Variants in SUMF1 observed in about 807,000 individuals in gnomAD.
SUMF1 encodes formylglycine-generating enzyme.
In SUMF1, 48 loss-of-function variants were observed where a neutral mutation model predicts 47.6. That is an observed-to-expected ratio of 1.01 (90% CI 0.80 to 1.28). The LOEUF (loss-of-function observed/expected upper bound fraction) is 1.28. Among genes scored for constraint, SUMF1 ranks in the 50% most tolerant of loss-of-function variants. SUMF1 has a pLI of 0.00. For synonymous variants in SUMF1, 230 were observed against 192.1 expected (o/e 1.20, Z -1.63); for missense variants, 571 against 485.4 (o/e 1.18, Z -1.66).
intron 9 of SUMF1, among the ~76,000 whole-genome samples, chr3:4,048,945 C>T (rs1289424482): frequency 1.3e-5 from 2 of 152,110 alleles, no homozygotes; most frequent in Admixed American, 6.5e-5. Context: ...CCATTTGAAA[C>T]TCTGTAACAT....
chr3:4,278,475 A>G (rs560768995), intron 8 of SUMF1, among the ~76,000 whole-genome samples: 1 of 152,170 alleles, frequency 6.6e-6, no homozygotes, highest in Non-Finnish European at 1.5e-5. Context: ...TTGAAAATAC[A>G]GGATGACTTG....
At chr3:4,078,214 T>C (rs1224835232) in intron 8 of SUMF1, among the ~76,000 whole-genome samples, 2 of 152,086 alleles carry the variant, frequency 1.3e-5, no homozygotes, top group African/African-American at 4.8e-5. Flanking sequence ...GCTGAATCTA[T>C]GGGCATCCCT....
intron 3 of SUMF1, among the ~76,000 whole-genome samples, chr3:4,442,345 T>C (rs1437351771): frequency 1.4e-5 from 2 of 148,044 alleles, no homozygotes; most frequent in African/African-American, 2.5e-5. Flanking sequence ...AAGCTCCGCC[T>C]CCCGGGTTCA....
At chr3:4,130,750 G>A (rs1693769725) in intron 8 of SUMF1, among the ~76,000 whole-genome samples, 1 of 151,972 alleles carries the variant, frequency 6.6e-6, no homozygotes, top group African/African-American at 2.4e-5. Flanking sequence ...ACCCTATTTG[G>A]ATTTTGGAGG....
chr3:4,218,222 T>C (rs1695981277), intron 8 of SUMF1, among the ~76,000 whole-genome samples: 1 of 152,034 alleles, frequency 6.6e-6, no homozygotes, highest in Non-Finnish European at 1.5e-5. Context: ...CCGAACACCT[T>C]GACCTCATGC....
intron 8 of SUMF1, among the ~76,000 whole-genome samples, chr3:4,098,608 T>C (rs1344138542): frequency 2.0e-5 from 3 of 152,148 alleles, no homozygotes; most frequent in African/African-American, 7.2e-5. Context: ...TAGCCTATTT[T>C]TTCTGTGATA....
intron 8 of SUMF1, among the ~76,000 whole-genome samples, chr3:4,353,606 A>G (rs1699555996): frequency 6.6e-6 from 1 of 152,208 alleles, no homozygotes; most frequent in Non-Finnish European, 1.5e-5. Flanking sequence ...CTCAGGCTAC[A>G]TATCATACAG....
At chr3:4,437,598 T>C (rs1266444920) in intron 3 of SUMF1, among the ~76,000 whole-genome samples, 2 of 152,188 alleles carry the variant, frequency 1.3e-5, no homozygotes. Flanking sequence ...AATGCAGCTA[T>C]ATATTATTTA....
intron 7 of SUMF1, among the ~76,000 whole-genome samples, chr3:4,403,123 C>T: frequency 6.6e-6 from 1 of 152,220 alleles, no homozygotes; most frequent in East Asian, 1.9e-4. Context: ...CCATACTACA[C>T]TCTCTCACTT....
intron 8 of SUMF1, among the ~76,000 whole-genome samples, chr3:4,220,098 G>A (rs577254491): frequency 6.6e-6 from 1 of 151,998 alleles, no homozygotes. Context: ...CATTACATAA[G>A]TCACTACAAT....
intron 8 of SUMF1, among the ~76,000 whole-genome samples, chr3:4,314,737 C>G (rs1247788014): frequency 6.6e-6 from 1 of 152,160 alleles, no homozygotes. Context: ...CAGCAAACAT[C>G]TCTAACTACC....
intron 7 of SUMF1, among the ~76,000 whole-genome samples, chr3:4,404,066 G>C (rs573947822): frequency 2.0e-5 from 3 of 152,192 alleles, no homozygotes; most frequent in Non-Finnish European, 4.4e-5. Flanking sequence ...CATATGTCTG[G>C]ATAACGTGTT....
At chr3:4,316,023 G>A (rs1043586216) in intron 8 of SUMF1, among the ~76,000 whole-genome samples, 1 of 144,992 alleles carries the variant, frequency 6.9e-6, no homozygotes, top group African/African-American at 2.6e-5. Flanking sequence ...CTCCAGCTTG[G>A]GTGACAGAGC....
intron 8 of SUMF1, among the ~76,000 whole-genome samples, chr3:4,208,125 T>C (rs532846562): frequency 3.6e-4 from 55 of 152,230 alleles, no homozygotes; most frequent in South Asian, 1.7e-3. Flanking sequence ...AATTTTATTA[T>C]AGCCTAAATT....
chr3:4,339,847 C>T (rs557807116), intron 8 of SUMF1, among the ~76,000 whole-genome samples: 1 of 152,244 alleles, frequency 6.6e-6, no homozygotes, highest in East Asian at 1.9e-4. Context: ...GAGGCCGAGG[C>T]AGGCAGATTG....
At chr3:4,112,592 T>A (rs908306158) in intron 8 of SUMF1, among the ~76,000 whole-genome samples, 6 of 152,126 alleles carry the variant, frequency 3.9e-5, no homozygotes, top group African/African-American at 1.4e-4. Context: ...GAGACCCATA[T>A]CAAGTTAAAG....
At position 4,466,986 on chromosome 3, in the gene SUMF1, G is replaced by C; in HGVS notation, c.260C>G (p.Ala87Gly). The change falls in exon 1 of 9, where the codon GCG becomes GGG. Residue 87 changes from alanine (A) to glycine (G), a missense_variant. Ala to Gly is a moderately conservative substitution (Grantham distance 60). Coordinates refer to ENST00000272902, the MANE Select transcript of SUMF1 (RefSeq NM_182760.4). Reference sequence around the variant, plus strand: ...GAATCGATGGAGCACCTTTGAGTGCGCGAGTTGCCGCTCTCCGGGTACGGG... The same window carrying C: ...GAATCGATGGAGCACCTTTGAGTGCCCGAGTTGCCGCTCTCCGGGTACGGG... ...PGPVPGERQL[A>G]HSKMVPIPAG... 2 of 1,602,630 alleles carry C rather than the reference G, an allele frequency of 1.2e-6. No individual in the cohort carries two copies. The highest frequency in any genetic ancestry group is 1.7e-6 in the Non-Finnish European group (2 of 1,176,286).
chr3:4,364,791 T>C (rs1263766420), intron 8 of SUMF1, among the ~76,000 whole-genome samples: 2 of 152,100 alleles, frequency 1.3e-5, no homozygotes, highest in East Asian at 3.9e-4. Flanking sequence ...TGCTCTTGCT[T>C]TTCTGGTTCT....
intron 8 of SUMF1, among the ~76,000 whole-genome samples, chr3:4,126,285 G>T (rs370705882): frequency 5.3e-4 from 79 of 150,350 alleles, no homozygotes; most frequent in African/African-American, 1.8e-3. Flanking sequence ...CTTCATGCTT[G>T]TTCTACTTAT....
Sources: gnomAD v4.1 joint callset for allele counts (sites outside exome capture counted in the v4.1 genomes callset) on GRCh38, gnomAD v4.1.1 for gene constraint, MANE v1.5 for transcripts, NCBI Gene and HGNC (gene_info 2026-07-23, HGNC 2026-07-21) for gene names.